Variants in SMIM8 observed in about 807,000 individuals in gnomAD.
The protein encoded by SMIM8 is small integral membrane protein 8.
Under a neutral mutation model 8.1 loss-of-function variants are expected in SMIM8, and 8 were observed. The ratio of observed to expected loss-of-function variants is 0.99; its 90% CI spans 0.58 to 1.78. The LOEUF is 1.78. Ranked by LOEUF, SMIM8 falls within the 40% of genes most tolerant of loss-of-function variation. The pLI, the probability that SMIM8 is intolerant of heterozygous loss-of-function variation, is 0.00. For synonymous variants in SMIM8, 45 were observed against 39.7 expected (o/e 1.13, Z -0.50); for missense variants, 126 against 119.8 (o/e 1.05, Z -0.24).
intron 2 of SMIM8, among the ~76,000 whole-genome samples, chr6:87,335,642 A>T (rs1020521836): frequency 6.6e-6 from 1 of 152,142 alleles, no homozygotes; most frequent in Non-Finnish European, 1.5e-5. Context: ...TTTCTCCTTA[A>T]CTACGAAGTT....
At chr6:87,339,432 G>T (rs1187237711) in intron 3 of SMIM8, among the ~76,000 whole-genome samples, 6 of 111,560 alleles carry the variant, frequency 5.4e-5, no homozygotes, top group African/African-American at 2.8e-4. Flanking sequence ...GTGTGTGTGT[G>T]TGTTTGTGTG....
In SMIM8 at chr6:87,326,895, G is replaced by A. The variant is rs868562005; in HGVS notation, c.-44-3797G>A. On this transcript the variant is annotated intron_variant, in intron 1 of 3. Transcript: ENST00000392863. ...TAAAGTCTCCCATTATTAATTTGTG[G>A]GAGTTTAAGTCTCTTTGTAGGTCAC... Among the ~76,000 whole-genome samples the A allele has an allele frequency of 4.6e-3, 529 of 114,454 alleles. 6 individuals are homozygous for A. Among genetic ancestry groups the A allele is most frequent in the African/African-American group, 0.018 (465 of 26,426 alleles). The allele number at this position is 114,454 out of a possible 152,430, so 75.1% of individuals were successfully genotyped here. A position where few individuals can be genotyped will look rare whatever the true frequency, so the allele number is the denominator to read the frequency against.
intron 1 of SMIM8, among the ~76,000 whole-genome samples, chr6:87,326,526 C>T (rs1312454006): frequency 2.0e-5 from 3 of 150,974 alleles, no homozygotes; most frequent in Non-Finnish European, 2.9e-5. Context: ...CGTTATGTAC[C>T]CAGTAGTCAT....
At chr6:87,327,409 T>C (rs1362100717) in intron 1 of SMIM8, among the ~76,000 whole-genome samples, 1 of 152,226 alleles carries the variant, frequency 6.6e-6, no homozygotes, top group African/African-American at 2.4e-5. Flanking sequence ...TTCCTTTCCA[T>C]GTTTAGTGCT....
intron 3 of SMIM8, among the ~76,000 whole-genome samples, chr6:87,337,807 T>A (rs1308799992): frequency 1.3e-5 from 2 of 152,128 alleles, no homozygotes; most frequent in Non-Finnish European, 2.9e-5. Context: ...TTAAAATTTT[T>A]TGTAGAGATG....
At chr6:87,336,783 A>G (rs541497667) in intron 2 of SMIM8, among the ~76,000 whole-genome samples, 1 of 152,334 alleles carries the variant, frequency 6.6e-6, no homozygotes, top group Admixed American at 6.5e-5. Context: ...ACCTTTGCCC[A>G]CCACTTTTAT....
At position 87,329,366 on chromosome 6, in the gene SMIM8, C is replaced by T. The variant is rs937951548; in HGVS notation, c.-44-1326C>T. On this transcript the variant is annotated intron_variant, in intron 1 of 3. Transcript: ENST00000392863. ...CTCGGCTCACTGCAACCTTCACCTCCTGGGTTCAGGCGATTATTCTGCCTC... is the reference window on the plus strand; with the variant it reads ...CTCGGCTCACTGCAACCTTCACCTCTTGGGTTCAGGCGATTATTCTGCCTC... 3 of 152,548 alleles carry T rather than the reference C, an allele frequency of 2.0e-5. No individual in the cohort carries two copies. The East Asian group carries it at 5.8e-4, about 29-fold the overall frequency. The allele number at this position is 152,548 out of a possible 1,614,324, so 9.4% of individuals were successfully genotyped here. A position where few individuals can be genotyped will look rare whatever the true frequency, so the allele number is the denominator to read the frequency against.
Position 87,340,309 on chromosome 6 carries a change from G to C in SMIM8, c.*35G>C. The C allele has an allele frequency of 6.6e-7, 1 of 1,505,594 alleles. No homozygotes were observed. The highest frequency in any genetic ancestry group is 1.4e-5 in the African/African-American group (1 of 70,166). The allele number at this position is 1,505,594 out of a possible 1,614,324, so 93.3% of individuals were successfully genotyped here. A position where few individuals can be genotyped will look rare whatever the true frequency, so the allele number is the denominator to read the frequency against. ...TTAGTGCAGATGGACCTTTATTAAA[G>C]GTTCTGAAATCTTCAAATGAAAGAC... On this transcript the variant is annotated 3_prime_UTR_variant, in exon 4 of 4. Transcript: ENST00000392863.
chr6:87,324,787 C>T (rs372102258), intron 1 of SMIM8, among the ~76,000 whole-genome samples: 7 of 152,074 alleles, frequency 4.6e-5, no homozygotes, highest in East Asian at 3.9e-4. Context: ...TTTAAAGTAG[C>T]TTTTTCCAAT....
rs190773817 is a variant in SMIM8, at chr6:87,324,191, T to A, written c.-45+1559T>A. On this transcript the variant is annotated intron_variant, in intron 1 of 3. Transcript: ENST00000392863. ...GGATATTAGCCCTTTGTCAGATGAA[T>A]AGGTTGTGAAAATTTTCTCCCATTT... 5.9e-3 allele frequency among the ~76,000 whole-genome samples: 905 copies of A among 152,332 alleles called. 5 individuals carry two copies. The highest frequency in any genetic ancestry group is 0.018 in the South Asian group (87 of 4,826).
intron 2 of SMIM8, among the ~76,000 whole-genome samples, chr6:87,331,773 G>A (rs1777001010): frequency 6.6e-6 from 1 of 152,052 alleles, no homozygotes; most frequent in African/African-American, 2.4e-5. Flanking sequence ...TGGGAGAATT[G>A]TTGTATCATC....
At chr6:87,323,160 C>A (rs1196222790) in intron 1 of SMIM8, 1 of 152,206 alleles carries the variant, frequency 6.6e-6, no homozygotes, top group African/African-American at 2.4e-5. Context: ...TGGGGGAAGC[C>A]AGATGAGACT....
At chr6:87,336,823 A>C (rs563288178) in intron 2 of SMIM8, among the ~76,000 whole-genome samples, 186 bp from the exon 3 acceptor site, 153 of 152,140 alleles carry the variant, frequency 1.0e-3, no homozygotes, top group African/African-American at 3.4e-3. Context: ...TAATGAACAA[A>C]ATTAACAAAT....
rs913127444 is a variant in SMIM8 at position 87,341,762 on chromosome 6, T to C, written c.*1488T>C. 1 of 152,970 alleles carries C rather than the reference T, an allele frequency of 6.5e-6. No individual in the cohort carries two copies. Among genetic ancestry groups the C allele is most frequent in the Non-Finnish European group, 1.5e-5 (1 of 68,552 alleles). The allele number at this position is 152,970 out of a possible 1,614,324, so 9.5% of individuals were successfully genotyped here. A position where few individuals can be genotyped will look rare whatever the true frequency, so the allele number is the denominator to read the frequency against. ...AATCTTTACTACTGAGCCCCAAATATGTATTTGCTATGCCTGTCTGTATAA... is the reference window on the plus strand; with the variant it reads ...AATCTTTACTACTGAGCCCCAAATACGTATTTGCTATGCCTGTCTGTATAA... On this transcript the variant is annotated 3_prime_UTR_variant, in exon 4 of 4. Transcript: ENST00000392863.
Position 87,340,167 on chromosome 6 carries a change from T to C in SMIM8, c.187T>C (p.Tyr63His), listed in dbSNP as rs35171967. ...GLVTLSLCVA[Y>H]IGYLHAIQEN... Reference sequence around the variant, plus strand: ...GGTAACTCTTTCACTTTGCGTGGCATATATTGGTTATCTACATGCAATACA... The same window carrying C: ...GGTAACTCTTTCACTTTGCGTGGCACATATTGGTTATCTACATGCAATACA... Residue 63 changes from tyrosine (Y) to histidine (H), a missense_variant, in exon 4 of 4, where the codon TAT becomes CAT. By Grantham distance (83) the Tyr-to-His change is moderately conservative. Coordinates refer to ENST00000392863, the MANE Select transcript of SMIM8 (RefSeq NM_001042493.3). 4,657 of 1,608,808 alleles carry C rather than the reference T, an allele frequency of 2.9e-3. 111 individuals carry two copies. In the African/African-American group the frequency reaches 0.053, roughly 18 times the overall value.
Position 87,341,571 on chromosome 6 carries a change from A to G in SMIM8, c.*1297A>G, listed in dbSNP as rs1046061916. 5 of 337,344 alleles carry G rather than the reference A, an allele frequency of 1.5e-5. No homozygotes were observed. Among genetic ancestry groups the G allele is most frequent in the African/African-American group, 1.1e-4 (5 of 47,264 alleles). 20.9% of individuals were successfully genotyped at this position (337,344 alleles called of 1,614,324 possible). ...CCTCTGAAGTCTTGCTTCAGTCGCT[A>G]TTAATATTACCAAGTAATAATAACA... On this transcript the variant is annotated 3_prime_UTR_variant, in exon 4 of 4. Transcript: ENST00000392863.
chr6:87,330,061 A>C (rs9359746), intron 1 of SMIM8, among the ~76,000 whole-genome samples: 17,463 of 152,140 alleles, frequency 0.11, 1,044 homozygotes, highest in East Asian at 0.13. Context: ...AGGTTATGCT[A>C]TGTTTCCCCT....
chr6:87,339,406 A>T (rs1777174440), intron 3 of SMIM8, among the ~76,000 whole-genome samples: 2 of 135,174 alleles, frequency 1.5e-5, no homozygotes, highest in African/African-American at 2.9e-5. Flanking sequence ...ACAACAACAA[A>T]ACACAGCGTG....
chr6:87,327,545 T>C (rs1398641079), intron 1 of SMIM8, among the ~76,000 whole-genome samples: 2 of 150,100 alleles, frequency 1.3e-5, no homozygotes, highest in Non-Finnish European at 3.0e-5. Flanking sequence ...AAATTCTGGG[T>C]TGAAAATTCT....
Sources: gnomAD v4.1 joint callset for allele counts (sites outside exome capture counted in the v4.1 genomes callset) on GRCh38, gnomAD v4.1.1 for gene constraint, MANE v1.5 for transcripts, NCBI Gene and HGNC (gene_info 2026-07-23, HGNC 2026-07-21) for gene names.